Variants in RHEB observed in about 807,000 individuals in gnomAD.
RHEB encodes the protein Ras homolog, mTORC1 binding.
RHEB carries 2 observed loss-of-function variants against 28.8 expected under a neutral mutation model. That is an observed-to-expected ratio of 0.07 (90% CI 0.03 to 0.22). The LOEUF (loss-of-function observed/expected upper bound fraction) is 0.22. Ranked by LOEUF, RHEB falls within the 10% of genes least tolerant of loss-of-function variation. RHEB has a pLI of 1.00. For synonymous variants in RHEB, 69 were observed against 77.3 expected (o/e 0.89, Z 0.56); for missense variants, 76 against 219.9 (o/e 0.35, Z 4.14).
rs1021284852 is a variant in RHEB, at chr7:151,519,789, C to T, written c.-278G>A. 2 of 316,076 alleles carry T rather than the reference C, an allele frequency of 6.3e-6. No individual in the cohort carries two copies. The highest frequency in any genetic ancestry group is 4.4e-5 in the African/African-American group (2 of 45,922). The allele number at this position is 316,076 out of a possible 1,614,324, so 19.6% of individuals were successfully genotyped here. A position where few individuals can be genotyped will look rare whatever the true frequency, so the allele number is the denominator to read the frequency against. ...CCCGCCGCCTCCGCCCCCCGAAATACGCGGGGGGTGCGTCGGGGCGACGTT... is the reference window on the plus strand; with the variant it reads ...CCCGCCGCCTCCGCCCCCCGAAATATGCGGGGGGTGCGTCGGGGCGACGTT... On this transcript the variant is annotated 5_prime_UTR_variant, in exon 1 of 8. Transcript: ENST00000262187.
chr7:151,515,290 A>C (rs571785797), intron 1 of RHEB, among the ~76,000 whole-genome samples: 4 of 152,360 alleles, frequency 2.6e-5, no homozygotes, highest in African/African-American at 9.6e-5. Context: ...GTCCAGAGTA[A>C]GTAAATTCAT....
chr7:151,474,657 T>A (rs968633829), intron 4 of RHEB, among the ~76,000 whole-genome samples: 1 of 152,198 alleles, frequency 6.6e-6, no homozygotes, highest in Non-Finnish European at 1.5e-5. Context: ...GTTTCTTTTT[T>A]CCATTTCTAG....
rs1054547118 is a variant in RHEB, at chr7:151,468,102, C to T, written c.463-891G>A. 6.6e-6 allele frequency among the ~76,000 whole-genome samples: 1 copy of T among 152,076 alleles called. No individual in the cohort carries two copies. Among genetic ancestry groups the T allele is most frequent in the African/African-American group, 2.4e-5 (1 of 41,404 alleles). On this transcript the variant is annotated intron_variant, in intron 7 of 7. Coordinates refer to ENST00000262187, the MANE Select transcript of RHEB (RefSeq NM_005614.4). The surrounding 1 kb of genome is among the most constrained non-coding windows in gnomAD (Gnocchi z 4.3). ...AGCCCCACAGGAAGTACCCTGTTCT[C>T]CTAATCACCAAGAATCCCCCTCCCC...
chr7:151,467,458 G>A (rs1293584102), intron 7 of RHEB, among the ~76,000 whole-genome samples: 2 of 151,860 alleles, frequency 1.3e-5, no homozygotes, highest in African/African-American at 2.4e-5. Flanking sequence ...ACCAGGAGAC[G>A]CCCGAAGAGT....
Position 151,468,465 on chromosome 7 carries a change from C to T in RHEB, c.463-1254G>A, listed in dbSNP as rs1320757483. Among the ~76,000 whole-genome samples the T allele has an allele frequency of 6.6e-6, 1 of 152,248 alleles. No individual in the cohort carries two copies. Among genetic ancestry groups the T allele is most frequent in the Non-Finnish European group, 1.5e-5 (1 of 68,044 alleles). ...CACACCGCTCACTGCTGACCTCACA[C>T]CCATGACCAGGAACCTGGCGCAGAC... On this transcript the variant is annotated intron_variant, in intron 7 of 7. Transcript: ENST00000262187. This position sits in a 1 kb window ranked among gnomAD's most constrained non-coding sequence, Gnocchi z 4.3.
intron 3 of RHEB, 126 bp from the exon 4 acceptor site, chr7:151,477,541 C>A: frequency 1.7e-6 from 1 of 598,812 alleles, no homozygotes. Flanking sequence ...AATATTATGC[C>A]AGAAACAGCC....
chr7:151,494,100 C>T (rs775283543), intron 1 of RHEB, among the ~76,000 whole-genome samples: 8 of 151,818 alleles, frequency 5.3e-5, no homozygotes, highest in Non-Finnish European at 1.0e-4. Flanking sequence ...GGAAAGAAAG[C>T]GATCATTTTC....
At chr7:151,470,717 G>T in intron 6 of RHEB, 65 bp from the exon 7 acceptor site, 2 of 1,139,234 alleles carry the variant, frequency 1.8e-6, no homozygotes, top group South Asian at 1.4e-5. Flanking sequence ...ATGTATAATT[G>T]ATTTATGAAA....
intron 1 of RHEB, chr7:151,517,815 T>C (rs548444891): frequency 1.3e-5 from 2 of 152,288 alleles, no homozygotes; most frequent in African/African-American, 4.8e-5. Context: ...TGAAATCAGG[T>C]AGCCGAGGTA....
intron 2 of RHEB, 54 bp from the exon 3 acceptor site, chr7:151,484,858 C>A: frequency 7.9e-7 from 1 of 1,263,954 alleles, no homozygotes; most frequent in Non-Finnish European, 1.1e-6. Context: ...CTCGAAACCA[C>A]CTGAAGTTTG....
intron 4 of RHEB, 32 bp from the exon 5 acceptor site, chr7:151,471,637 AT>A (rs1802163690): frequency 7.1e-7 from 1 of 1,410,486 alleles, no homozygotes; most frequent in Non-Finnish European, 9.8e-7. Flanking sequence ...TTAGACATCC[AT>A]TTTAATGTTG....
At chr7:151,467,842 C>T (rs1802094305) in intron 7 of RHEB, among the ~76,000 whole-genome samples, 1 of 152,178 alleles carries the variant, frequency 6.6e-6, no homozygotes, top group African/African-American at 2.4e-5. Context: ...GAATCATGGC[C>T]ACTTGGAGCA....
chr7:151,517,236 T>C (rs1232053563), intron 1 of RHEB, among the ~76,000 whole-genome samples: 1 of 151,918 alleles, frequency 6.6e-6, no homozygotes, highest in Non-Finnish European at 1.5e-5. Context: ...GGCATAGTGG[T>C]GCACGCCTGT....
At chr7:151,475,904 T>A (rs1339461026) in intron 4 of RHEB, among the ~76,000 whole-genome samples, 2 of 152,094 alleles carry the variant, frequency 1.3e-5, no homozygotes, top group African/African-American at 2.4e-5. Context: ...TAAAAGGATG[T>A]TAAAACAATC....
At chr7:151,517,267 C>G (rs990168382) in intron 1 of RHEB, among the ~76,000 whole-genome samples, 1 of 151,226 alleles carries the variant, frequency 6.6e-6, no homozygotes, top group Non-Finnish European at 1.5e-5. Flanking sequence ...ACTCTGGAGG[C>G]TGAGGCAGGA....
At chr7:151,483,805 G>T (rs1313480965) in intron 3 of RHEB, among the ~76,000 whole-genome samples, 1 of 152,190 alleles carries the variant, frequency 6.6e-6, no homozygotes, top group Non-Finnish European at 1.5e-5. Context: ...CAGTCTTACA[G>T]AATAGTTTCT....
At chr7:151,507,406 TA>T (rs1204688577) in intron 1 of RHEB, among the ~76,000 whole-genome samples, 20 of 106,332 alleles carry the variant, frequency 1.9e-4, no homozygotes, top group African/African-American at 5.0e-4. Flanking sequence ...CACACATATA[TA>T]TAGTGTCACT....
chr7:151,501,992 C>T, intron 1 of RHEB: 1 of 563,816 alleles, frequency 1.8e-6, no homozygotes, highest in Non-Finnish European at 3.4e-6. Context: ...AATCCCAGCA[C>T]TTTGAGGCCG....
At chr7:151,518,324 T>C (rs1244094361) in intron 1 of RHEB, among the ~76,000 whole-genome samples, 2 of 151,694 alleles carry the variant, frequency 1.3e-5, no homozygotes, top group African/African-American at 4.9e-5. Flanking sequence ...AGTTGGGGAG[T>C]GCATCCAGTG....
Sources: allele counts gnomAD v4.1 joint callset (sites outside exome capture counted in the v4.1 genomes callset), GRCh38; gene constraint gnomAD v4.1.1; non-coding constraint Gnocchi (gnomAD v3.1); transcripts MANE v1.5; gene names NCBI Gene and HGNC (gene_info 2026-07-23, HGNC 2026-07-21).